ITPKB: variants seen among roughly 807,000 people sequenced by gnomAD.
ITPKB encodes the protein IP3 3-kinase B.
ITPKB carries 13 observed loss-of-function variants against 69.4 expected under a neutral mutation model. That is an observed-to-expected ratio of 0.19 (90% confidence interval 0.12 to 0.30). The LOEUF (loss-of-function observed/expected upper bound fraction) is 0.30. Ranked by LOEUF, ITPKB falls within the 10% of genes least tolerant of loss-of-function variation. The pLI is 1.00. For synonymous variants in ITPKB, 584 were observed against 513.7 expected (o/e 1.14, Z -1.85); for missense variants, 1,240 against 1,250.5 (o/e 0.99, Z 0.13).
At chr1:226,734,517 A>G (rs576635848) in intron 2 of ITPKB, among the ~76,000 whole-genome samples, 8 of 152,066 alleles carry the variant, frequency 5.3e-5, no homozygotes, top group Middle Eastern at 3.4e-3. Flanking sequence ...CTTTCCCCCA[A>G]TATAGCACAA....
chr1:226,736,388 G>A lies in ITPKB; in HGVS notation c.1071C>T (p.Ala357=), dbSNP rs1366510957. ...CATCGCGGGGCCCGCCCCTTTCTGGGGCTGGGCTTGTCTCACTGCCCAGAA... is the reference window on the plus strand; with the variant it reads ...CATCGCGGGGCCCGCCCCTTTCTGGAGCTGGGCTTGTCTCACTGCCCAGAA... ...GQFLGSETSP[A]PERGGPRDGE... Residue 357 remains alanine (A), a synonymous_variant, in exon 2 of 8, where the codon GCC becomes GCT. Transcript: ENST00000429204. The A allele has an allele frequency of 1.2e-6, 2 of 1,612,420 alleles. No homozygotes were observed. Among genetic ancestry groups the A allele is most frequent in the African/African-American group, 1.3e-5 (1 of 74,942 alleles).
chr1:226,690,480 C>A (rs1210979969), intron 2 of ITPKB, among the ~76,000 whole-genome samples: 2 of 152,102 alleles, frequency 1.3e-5, no homozygotes, highest in Non-Finnish European at 1.5e-5. Flanking sequence ...CAGCAGCCTG[C>A]AGTAAACACA....
chr1:226,735,740 G>C lies in ITPKB; in HGVS notation c.1719C>G (p.Asp573Glu). 1 of 1,590,612 alleles carries C rather than the reference G, an allele frequency of 6.3e-7. No homozygotes were observed. Among genetic ancestry groups the C allele is most frequent in the Non-Finnish European group, 8.6e-7 (1 of 1,164,130 alleles). Residue 573 changes from aspartate (D) to glutamate (E), a missense_variant, in exon 2 of 8, where the codon GAC (aspartate) becomes GAG (glutamate). By Grantham distance (45) the Asp-to-Glu change is conservative (BLOSUM62 2). This residue lies in a region of ITPKB where 992 missense variants were observed against 853.8 expected (regional missense o/e 1.16). Transcript: ENST00000429204. ...AGGCCCCATCCTCCTGGGTGCCCAT[G>C]TCTGTAATGATGACAGCAGGTATGT... ...PSNIPAVIITDMGTQEDGALE... is the reference protein window; with the variant it reads ...PSNIPAVIITEMGTQEDGALE...
rs1434503947 is a variant in ITPKB, at chr1:226,737,487, G to A, written c.-29C>T. On this transcript the variant is annotated 5_prime_UTR_variant, in exon 2 of 8. Coordinates refer to ENST00000429204, the MANE Select transcript of ITPKB (RefSeq NM_002221.4). The stretch of plus-strand genomic sequence containing the variant: ...ACTGGGTCCCGCGCTGCCCGCCGCC[G>A]CGGCTCCCGCTCCTGCTCCGCCGCC... The A allele has an allele frequency of 5.2e-6, 8 of 1,530,510 alleles. No homozygotes were observed. Among genetic ancestry groups the A allele is most frequent in the Non-Finnish European group, 7.0e-6 (8 of 1,143,236 alleles). The allele number at this position is 1,530,510 out of a possible 1,614,324, so 94.8% of individuals were successfully genotyped here.
chr1:226,649,494 GTGTGCATGCGTGATA>G (rs1256476381), intron 2 of ITPKB, among the ~76,000 whole-genome samples: 5 of 151,206 alleles, frequency 3.3e-5, no homozygotes, highest in East Asian at 2.0e-4. Context: ...GTGCATCAGT[GTGTGCATGCGTGATA>G]TGTGCATGTG....
At chr1:226,639,071 T>TTTC (rs768529645) in intron 6 of ITPKB, among the ~76,000 whole-genome samples, 7,479 of 148,734 alleles carry the variant, frequency 0.05, 263 homozygotes, top group Middle Eastern at 0.089. Context: ...TTTTTTTTTT[T>TTTC]TCCCAGACAG....
At chr1:226,647,071 CTG>C in intron 4 of ITPKB, 94 bp downstream of exon 4, 1 of 1,082,414 alleles carries the variant, frequency 9.2e-7, no homozygotes, top group Non-Finnish European at 1.4e-6. Flanking sequence ...GCCCTTGCAC[CTG>C]TGAGGCCTCC....
chr1:226,652,079 G>A (rs550436346), intron 2 of ITPKB, among the ~76,000 whole-genome samples: 2 of 152,298 alleles, frequency 1.3e-5, no homozygotes, highest in South Asian at 4.1e-4. Context: ...GTTTCCCCAT[G>A]GTTTTTAAAT....
intron 2 of ITPKB, among the ~76,000 whole-genome samples, chr1:226,719,114 A>G (rs1657166719): frequency 2.0e-5 from 3 of 152,206 alleles, no homozygotes; most frequent in East Asian, 1.9e-4. Context: ...CGTCTCTACT[A>G]AAAAACACAA....
intron 2 of ITPKB, among the ~76,000 whole-genome samples, chr1:226,691,105 G>A (rs1656338575): frequency 6.6e-6 from 1 of 152,140 alleles, no homozygotes; most frequent in Non-Finnish European, 1.5e-5. Flanking sequence ...TTCAGTTTGA[G>A]AAAATGAAAA....
chr1:226,735,846 T>C lies in ITPKB; in HGVS notation c.1613A>G (p.Asp538Gly), dbSNP rs1571882917. The change falls in exon 2 of 8, where the codon GAC (aspartate) becomes GGC (glycine). Residue 538 changes from aspartate (D) to glycine (G), a missense_variant. This residue lies in a region of ITPKB where 992 missense variants were observed against 853.8 expected (regional missense o/e 1.16). Coordinates refer to ENST00000429204, the MANE Select transcript of ITPKB (RefSeq NM_002221.4). The part of the protein sequence containing the change: ...SEGTWESQRQ[D>G]SDALPSPELL... The stretch of plus-strand genomic sequence containing the variant: ...CTCCGGACTTGGGAGGGCATCACTG[T>C]CCTGCCGCTGGCTTTCCCAAGTCCC... The C allele has an allele frequency of 1.2e-6, 2 of 1,607,736 alleles. No individual in the cohort carries two copies. The highest frequency in any genetic ancestry group is 1.7e-6 in the Non-Finnish European group (2 of 1,175,028).
rs116682785 is a variant in ITPKB at position 226,650,900 on chromosome 1, G to A, written c.1933-2129C>T. Among the ~76,000 whole-genome samples the A allele has an allele frequency of 8.3e-3, 1,264 of 152,290 alleles. 9 individuals carry two copies. Among genetic ancestry groups the A allele is most frequent in the Middle Eastern group, 0.017 (5 of 294 alleles). Reference sequence around the variant, plus strand: ...CTCCTTGGATGGATGGACACTCTAGGGCCCTGGAAAGTGACCTTCCCTCAT... The same window carrying A: ...CTCCTTGGATGGATGGACACTCTAGAGCCCTGGAAAGTGACCTTCCCTCAT... On this transcript the variant is annotated intron_variant, in intron 2 of 7. Transcript: ENST00000429204.
chr1:226,653,539 C>T (rs950387954), intron 2 of ITPKB, among the ~76,000 whole-genome samples: 3 of 152,194 alleles, frequency 2.0e-5, no homozygotes, highest in Non-Finnish European at 2.9e-5. Flanking sequence ...GTGCCACTTC[C>T]GGTGCAGCTG....
At chr1:226,668,119 T>C (rs1310949922) in intron 2 of ITPKB, among the ~76,000 whole-genome samples, 2 of 152,182 alleles carry the variant, frequency 1.3e-5, no homozygotes, top group Non-Finnish European at 2.9e-5. Flanking sequence ...GCGATTCTGA[T>C]TTAAACATAA....
chr1:226,717,455 G>A (rs1657122509), intron 2 of ITPKB, among the ~76,000 whole-genome samples: 1 of 152,182 alleles, frequency 6.6e-6, no homozygotes, highest in African/African-American at 2.4e-5. Flanking sequence ...GGCCCAGGCT[G>A]CAGAGAGACA....
chr1:226,650,299 G>GT (rs977297848), intron 2 of ITPKB, among the ~76,000 whole-genome samples: 5 of 152,156 alleles, frequency 3.3e-5, no homozygotes, highest in African/African-American at 1.2e-4. Context: ...ACTAAACCTG[G>GT]TAATTCTTAT....
intron 2 of ITPKB, among the ~76,000 whole-genome samples, chr1:226,713,799 A>T (rs182524024): frequency 2.6e-5 from 4 of 152,148 alleles, no homozygotes; most frequent in Non-Finnish European, 5.9e-5. Context: ...TTCAGATAAC[A>T]ATCAGTGTCC....
rs114798622 is a variant in ITPKB, at chr1:226,725,445, C to A, written c.1932+10082G>T. Among the ~76,000 whole-genome samples, 934 of 152,348 alleles carry A rather than the reference C, an allele frequency of 6.1e-3. 4 individuals carry two copies. The highest frequency in any genetic ancestry group is 0.022 in the African/African-American group (902 of 41,572). ...TACAGAAGAGGCACCCAGTATATATCTACTGAATGTAATATCTGCTCAAGA... is the reference window on the plus strand; with the variant it reads ...TACAGAAGAGGCACCCAGTATATATATACTGAATGTAATATCTGCTCAAGA... On this transcript the variant is annotated intron_variant, in intron 2 of 7. Coordinates refer to ENST00000429204, the MANE Select transcript of ITPKB (RefSeq NM_002221.4).
At chr1:226,673,879 G>C (rs1320078242) in intron 2 of ITPKB, among the ~76,000 whole-genome samples, 1 of 152,186 alleles carries the variant, frequency 6.6e-6, no homozygotes, top group Non-Finnish European at 1.5e-5. Flanking sequence ...ATTTCTGCCA[G>C]GCAGGCTCAG....
Sources: allele counts gnomAD v4.1 joint callset (sites outside exome capture counted in the v4.1 genomes callset), GRCh38; gene constraint gnomAD v4.1.1; regional missense constraint gnomAD v4.1.1; transcripts MANE v1.5; gene names NCBI Gene and HGNC (gene_info 2026-07-23, HGNC 2026-07-21).